STK3: variants seen among roughly 807,000 people sequenced by gnomAD.
STK3 encodes serine/threonine-protein kinase 3.
In STK3, 41 loss-of-function variants were observed where a neutral mutation model predicts 58.0. The observed-to-expected ratio is 0.71, with a 90% CI of 0.55 to 0.92. The LOEUF is 0.92. STK3 is among the 40% of genes least tolerant of loss of function. The probability of loss-of-function intolerance (pLI) is 0.00; values close to 1 mark genes in which losing one functional copy is unlikely to be tolerated. For missense variants in STK3, 479 were observed against 602.7 expected, an observed-to-expected ratio of 0.79 and a Z score of 2.15; for synonymous variants, 170 against 191.0, an observed-to-expected ratio of 0.89 and a Z score of 0.91.
intron 4 of STK3, among the ~76,000 whole-genome samples, chr8:98,712,875 TAG>T (rs1587389868): frequency 2.0e-5 from 3 of 151,418 alleles, no homozygotes; most frequent in East Asian, 2.0e-4. Flanking sequence ...ATTGACCACA[TAG>T]TTGGAAGTAA....
intron 6 of STK3, among the ~76,000 whole-genome samples, chr8:98,672,212 T>G (rs1822882537): frequency 6.7e-6 from 1 of 150,086 alleles, no homozygotes; most frequent in Admixed American, 6.6e-5. Context: ...CTCCCAAATA[T>G]GTAGACCCAG....
At chr8:98,635,198 T>C (rs1445043880) in intron 6 of STK3, among the ~76,000 whole-genome samples, 1 of 152,200 alleles carries the variant, frequency 6.6e-6, no homozygotes, top group Non-Finnish European at 1.5e-5. Flanking sequence ...ATGCTGTGCT[T>C]AGGCTGTCTC....
chr8:98,364,255 C>T, the STK3 span, among the ~76,000 whole-genome samples: 5 of 152,336 alleles, frequency 3.3e-5, no homozygotes, highest in Admixed American at 2.0e-4. Context: ...CACTCCCACT[C>T]GCCTGCTTTC....
the STK3 span, among the ~76,000 whole-genome samples, chr8:98,344,965 T>C: frequency 3.5e-5 from 5 of 142,068 alleles, no homozygotes; most frequent in African/African-American, 5.1e-5. Flanking sequence ...GCTAATCCCA[T>C]CACCTATAGT....
intron 1 of STK3, among the ~76,000 whole-genome samples, chr8:98,914,719 G>A (rs1186816120): frequency 6.6e-6 from 1 of 152,170 alleles, no homozygotes; most frequent in African/African-American, 2.4e-5. Flanking sequence ...AGCCCCACAT[G>A]CTTGGGGGCA....
intron 1 of STK3, among the ~76,000 whole-genome samples, chr8:98,941,685 C>A (rs1294912495): frequency 1.3e-5 from 2 of 152,204 alleles, no homozygotes; most frequent in Non-Finnish European, 2.9e-5. Flanking sequence ...CAGGGGCCTG[C>A]GCTGCGCGCC....
chr8:98,678,424 T>A (rs1398307266), intron 6 of STK3, among the ~76,000 whole-genome samples: 1 of 152,110 alleles, frequency 6.6e-6, no homozygotes, highest in Non-Finnish European at 1.5e-5. Context: ...TTTATGAGTA[T>A]GAAAAATTAA....
intron 1 of STK3, among the ~76,000 whole-genome samples, chr8:98,780,071 T>C (rs1831984149): frequency 6.6e-6 from 1 of 151,916 alleles, no homozygotes; most frequent in South Asian, 2.1e-4. Context: ...TGTAATAATA[T>C]AATTTTAATA....
At chr8:98,457,786 T>A (rs549640522) in intron 10 of STK3, among the ~76,000 whole-genome samples, 88 of 152,286 alleles carry the variant, frequency 5.8e-4, no homozygotes, top group African/African-American at 1.9e-3. Context: ...CAAACAATTA[T>A]CATTACTTTA....
intron 3 of STK3, among the ~76,000 whole-genome samples, chr8:98,850,584 G>A (rs1836422902): frequency 6.6e-6 from 1 of 152,166 alleles, no homozygotes; most frequent in South Asian, 2.1e-4. Flanking sequence ...TGATTACACA[G>A]GGAATGAGGG....
chr8:98,674,014 T>A (rs1328393575), intron 6 of STK3, among the ~76,000 whole-genome samples: 1 of 152,188 alleles, frequency 6.6e-6, no homozygotes, highest in Non-Finnish European at 1.5e-5. Context: ...TCTCCTAAAT[T>A]CAGCATGAAA....
At chr8:98,886,121 A>G (rs1354516721) in intron 1 of STK3, among the ~76,000 whole-genome samples, 3 of 152,240 alleles carry the variant, frequency 2.0e-5, no homozygotes, top group African/African-American at 4.8e-5. Flanking sequence ...ACAGTCCTGT[A>G]TCTTGATTGT....
intron 1 of STK3, among the ~76,000 whole-genome samples, chr8:98,923,868 C>CGT (rs1759575985): frequency 7.5e-6 from 1 of 133,876 alleles, no homozygotes; most frequent in African/African-American, 2.8e-5. Context: ...CGCGCGCGCG[C>CGT]GCGCGCGCGT....
rs200938125 is a variant in STK3, at chr8:98,756,502, G to GA, written c.237-7113dup. Among the ~76,000 whole-genome samples, 1,300 of 151,218 alleles carry GA rather than the reference G, an allele frequency of 8.6e-3. 10 individuals carry two copies. The highest frequency in any genetic ancestry group is 0.029 in the African/African-American group (1,194 of 41,232). On this transcript the variant is annotated intron_variant, in intron 3 of 10. Transcript: ENST00000419617. ...GAGACTGGGCTTTATTTGAAATACAGAAAAAAAAATCAGTGAAGAATTTTA... is the reference window on the plus strand; with the variant it reads ...GAGACTGGGCTTTATTTGAAATACAGAAAAAAAAAATCAGTGAAGAATTTTA...
rs1823969869 is a variant in STK3 at position 98,685,987 on chromosome 8, T to C, written c.684+20480A>G. On this transcript the variant is annotated intron_variant, in intron 6 of 10. Transcript: ENST00000419617. ...ATCTTATGTAATTTGAGATAATATA[T>C]ACATATAACTGAATAAACGTTTTAC... is the stretch of plus-strand genomic sequence containing the variant. Among the ~76,000 whole-genome samples the C allele has an allele frequency of 2.0e-5, 3 of 152,220 alleles. No individual in the cohort carries two copies. In the South Asian group the frequency reaches 6.2e-4, roughly 32 times the overall value.
chr8:98,706,342 T>A lies in STK3; in HGVS notation c.684+125A>T, dbSNP rs936408546. ...ACAGTTACTAATCTTTAAGAGGTAATTTTACCATTTTTAAAAAGAATACAT... is the reference window on the plus strand; with the variant it reads ...ACAGTTACTAATCTTTAAGAGGTAAATTTACCATTTTTAAAAAGAATACAT... On this transcript the variant is annotated intron_variant, in intron 6 of 10. Transcript: ENST00000419617. 6.9e-6 allele frequency: 7 copies of A among 1,020,782 alleles called. No individual in the cohort carries two copies. In the Admixed American group the frequency reaches 2.1e-4, roughly 30 times the overall value. 63.2% of individuals were successfully genotyped at this position (1,020,782 alleles called of 1,614,324 possible).
chr8:98,734,167 C>T (rs1418041228), intron 4 of STK3, among the ~76,000 whole-genome samples: 2 of 152,200 alleles, frequency 1.3e-5, no homozygotes, highest in Non-Finnish European at 2.9e-5. Flanking sequence ...ATGATCCAAT[C>T]ACCTCCCACC....
At chr8:98,395,948 G>GAA (rs1410771025) in intron 3 of STK3, among the ~76,000 whole-genome samples, 4 of 152,164 alleles carry the variant, frequency 2.6e-5, no homozygotes, top group African/African-American at 7.2e-5. Context: ...AATGGTGCAG[G>GAA]AAAAATCTCT....
intron 3 of STK3, among the ~76,000 whole-genome samples, chr8:98,418,638 GACAA>G (rs1371087164): frequency 2.6e-5 from 4 of 152,160 alleles, no homozygotes; most frequent in Non-Finnish European, 4.4e-5. Flanking sequence ...GCATGATAAA[GACAA>G]ACAGACCAGG....
Sources: gnomAD v4.1 joint callset for allele counts (sites outside exome capture counted in the v4.1 genomes callset) on GRCh38, gnomAD v4.1.1 for gene constraint, MANE v1.5 for transcripts, NCBI Gene and HGNC (gene_info 2026-07-23, HGNC 2026-07-21) for gene names.